Variants in VPS37C observed in about 807,000 individuals in gnomAD.
VPS37C encodes VPS37C subunit of ESCRT-I.
A neutral mutation model predicts 16.1 loss-of-function variants in VPS37C; 9 were observed. The observed-to-expected ratio is 0.56, with a 90% confidence interval of 0.34 to 0.97. The LOEUF is 0.97. Ranked by LOEUF, VPS37C falls within the 50% of genes least tolerant of loss-of-function variation. VPS37C has a pLI of 0.02. For missense variants in VPS37C, 479 were observed against 472.7 expected (o/e 1.01, Z -0.12); for synonymous variants, 207 against 206.4 (o/e 1.00, Z -0.02).
chr11:61,133,417 G>T, intron 3 of VPS37C, 80 bp from the exon 4 acceptor site: 1 of 1,389,882 alleles, frequency 7.2e-7, no homozygotes, highest in Non-Finnish European at 9.9e-7. Context: ...TACCCTCTGT[G>T]TGCATCCAGG....
chr11:61,133,437 C>A, intron 3 of VPS37C, 100 bp from the exon 4 acceptor site: 1 of 1,212,274 alleles, frequency 8.2e-7, no homozygotes, highest in African/African-American at 1.5e-5. Flanking sequence ...GCCCAGCCAC[C>A]ACAGCAGGGT....
At chr11:61,135,173 G>C (rs1861344977) in intron 2 of VPS37C, among the ~76,000 whole-genome samples, 1 of 152,366 alleles carries the variant, frequency 6.6e-6, no homozygotes, top group East Asian at 1.9e-4. Context: ...GCATGTGACA[G>C]ACCAAGCCAG....
At chr11:61,151,825 C>CA (rs956124998) in intron 1 of VPS37C, among the ~76,000 whole-genome samples, 7 of 152,180 alleles carry the variant, frequency 4.6e-5, no homozygotes, top group Non-Finnish European at 1.0e-4. Flanking sequence ...GGCCAAGAAA[C>CA]AGGTGATTTA....
Position 61,133,235 on chromosome 11 carries a change from G to C in VPS37C, c.348+20C>G, listed in dbSNP as rs376390824. On this transcript the variant is annotated intron_variant, in intron 4 of 4. Coordinates refer to ENST00000301765, the MANE Select transcript of VPS37C (RefSeq NM_017966.5). ...CTGACACCCCGTCCAGGGAAGAGGGGTGTCGCCTCGCCCTCTCACCTCGGA... is the reference window on the plus strand; with the variant it reads ...CTGACACCCCGTCCAGGGAAGAGGGCTGTCGCCTCGCCCTCTCACCTCGGA... 6.8e-6 allele frequency: 11 copies of C among 1,613,106 alleles called. No individual in the cohort carries two copies. Among genetic ancestry groups the C allele is most frequent in the East Asian group, 2.2e-5 (1 of 44,882 alleles).
intron 2 of VPS37C, among the ~76,000 whole-genome samples, chr11:61,137,772 G>C (rs1260730282): frequency 6.6e-6 from 1 of 152,136 alleles, no homozygotes; most frequent in East Asian, 1.9e-4. Flanking sequence ...CCCACCAGGA[G>C]ATCTTTTCAA....
chr11:61,134,907 A>G (rs1861338533), intron 2 of VPS37C, among the ~76,000 whole-genome samples: 1 of 152,234 alleles, frequency 6.6e-6, no homozygotes, highest in South Asian at 2.1e-4. Context: ...CCAGTGAGAC[A>G]GAAGCCAAGG....
At position 61,130,929 on chromosome 11, in the gene VPS37C, C is replaced by T; in HGVS notation, c.*891G>A. Reference sequence around the variant, plus strand: ...GGCTGCTTGTGAATGAGATTCAAGGCACTAAAGGAGTGGATGGATGCGTGG... The same window carrying T: ...GGCTGCTTGTGAATGAGATTCAAGGTACTAAAGGAGTGGATGGATGCGTGG... On this transcript the variant is annotated 3_prime_UTR_variant, in exon 5 of 5. Coordinates refer to ENST00000301765, the MANE Select transcript of VPS37C (RefSeq NM_017966.5). 1 of 388,900 alleles carries T rather than the reference C, an allele frequency of 2.6e-6. No individual in the cohort carries two copies. The highest frequency in any genetic ancestry group is 3.8e-5 in the Admixed American group (1 of 26,136). The allele number at this position is 388,900 out of a possible 1,614,324, so 24.1% of individuals were successfully genotyped here.
Position 61,132,295 on chromosome 11 carries a change from A to G in VPS37C, c.593T>C (p.Leu198Ser), listed in dbSNP as rs754382. 0.69 allele frequency: 1,084,004 copies of G among 1,576,740 alleles called. 378,578 individuals are homozygous for G. The highest frequency in any genetic ancestry group is 1 in the East Asian group (43,793 of 43,972). The change falls in exon 5 of 5, where the codon TTA (leucine) becomes TCA (serine). Residue 198 changes from leucine (L) to serine (S), a missense_variant. By Grantham distance (145) the Leu-to-Ser change is moderately radical. Coordinates refer to ENST00000301765, the MANE Select transcript of VPS37C (RefSeq NM_017966.5). Reference protein sequence around the residue: ...PVVEEQPQPPLAMPPYPLPYS... With the variant: ...PVVEEQPQPPSAMPPYPLPYS... The stretch of plus-strand genomic sequence containing the variant: ...GGGCAAAGGGTAGGGAGGCATGGCT[A>G]ATGGTGGCTGCGGCTGCTCTTCAAC...
At chr11:61,149,500 G>A (rs748697462) in intron 1 of VPS37C, among the ~76,000 whole-genome samples, 4 of 152,134 alleles carry the variant, frequency 2.6e-5, no homozygotes, top group Middle Eastern at 3.2e-3. Flanking sequence ...CAAGCAGCAG[G>A]TCTGGCACCA....
chr11:61,133,180 T>C, intron 4 of VPS37C, 75 bp downstream of exon 4: 5 of 1,499,206 alleles, frequency 3.3e-6, no homozygotes, highest in Non-Finnish European at 4.6e-6. Flanking sequence ...AGACATCTGC[T>C]TCTCCTTCCA....
In VPS37C at chr11:61,142,921, A is replaced by G. The variant is rs531794378; in HGVS notation, c.-6-4086T>C. Among the ~76,000 whole-genome samples, 417 of 146,966 alleles carry G rather than the reference A, an allele frequency of 2.8e-3. 4 individuals are homozygous for G. Among genetic ancestry groups the G allele is most frequent in the African/African-American group, 0.01 (409 of 39,700 alleles). On this transcript the variant is annotated intron_variant, in intron 1 of 4. Transcript: ENST00000301765. ...TATACATATGTAACTAACCTGCACA[A>G]TGTGCACATGTACCCTAAAACTTAA...
Position 61,131,875 on chromosome 11 carries a change from G to A in VPS37C, c.1013C>T (p.Pro338Leu), listed in dbSNP as rs1590781651. 3.1e-6 allele frequency: 4 copies of A among 1,272,548 alleles called. No individual in the cohort carries two copies. The highest frequency in any genetic ancestry group is 4.0e-6 in the Non-Finnish European group (4 of 1,003,620). 78.8% of individuals were successfully genotyped at this position (1,272,548 alleles called of 1,614,324 possible). Residue 338 changes from proline to leucine, a missense_variant, in exon 5 of 5, where the codon CCC (proline) becomes CTC (leucine). Physicochemically the swap from Pro to Leu is moderately conservative, Grantham distance 98. Coordinates refer to ENST00000301765, the MANE Select transcript of VPS37C (RefSeq NM_017966.5). ...VPLQPPYPPG[P>L]APPYGFPPPP... ...TGGTGGGAACCCATAGGGAGGGGCG[G>A]GCCCGGGGGGATAAGGGGGCTGCAG...
chr11:61,148,925 T>TGGGGTTGGGGC (rs1853256310), intron 1 of VPS37C, among the ~76,000 whole-genome samples: 1 of 152,084 alleles, frequency 6.6e-6, no homozygotes, highest in Non-Finnish European at 1.5e-5. Flanking sequence ...AAGGAATTGC[T>TGGGGTTGGGGC]GGGGTTGGGG....
chr11:61,139,588 T>C (rs1861437874), intron 1 of VPS37C, among the ~76,000 whole-genome samples: 1 of 152,078 alleles, frequency 6.6e-6, no homozygotes, highest in African/African-American at 2.4e-5. Context: ...CCATCGATTG[T>C]CTGTGTGGTA....
intron 1 of VPS37C, among the ~76,000 whole-genome samples, chr11:61,156,104 C>T (rs1590795764): frequency 6.6e-6 from 1 of 151,604 alleles, no homozygotes; most frequent in African/African-American, 2.4e-5. Context: ...ACAAAGGAAA[C>T]AAAGTGGAAT....
At chr11:61,143,665 C>CT (rs765152233) in intron 1 of VPS37C, 3,429 of 141,362 alleles carry the variant, frequency 0.024, 79 homozygotes, top group South Asian at 0.082. Flanking sequence ...CCAGCCAATT[C>CT]TTTTTTTTTT....
rs767093738 is a variant in VPS37C, at chr11:61,131,525, C to T, written c.*295G>A. The T allele has an allele frequency of 4.0e-5, 14 of 350,644 alleles. No homozygotes were observed. The highest frequency in any genetic ancestry group is 6.6e-5 in the Non-Finnish European group (13 of 196,868). 21.7% of individuals were successfully genotyped at this position (350,644 alleles called of 1,614,324 possible). A position where few individuals can be genotyped will look rare whatever the true frequency, so the allele number is the denominator to read the frequency against. On this transcript the variant is annotated 3_prime_UTR_variant, in exon 5 of 5. Transcript: ENST00000301765. ...GCAAGTAGATGCTCATAAATGCGCACATGCGCTCACTCACACAGACACCGG... is the reference window on the plus strand; with the variant it reads ...GCAAGTAGATGCTCATAAATGCGCATATGCGCTCACTCACACAGACACCGG...
At chr11:61,156,459 G>A (rs529235518) in intron 1 of VPS37C, among the ~76,000 whole-genome samples, 11 of 152,112 alleles carry the variant, frequency 7.2e-5, no homozygotes, top group African/African-American at 2.4e-4. Flanking sequence ...GTAGGCACAC[G>A]CCTGTAATCC....
chr11:61,154,349 G>C (rs1853347135), intron 1 of VPS37C, among the ~76,000 whole-genome samples: 1 of 152,090 alleles, frequency 6.6e-6, no homozygotes, highest in African/African-American at 2.4e-5. Flanking sequence ...CTAAAAGAAA[G>C]ATTAAGCATG....
Sources: gnomAD v4.1 joint callset for allele counts (sites outside exome capture counted in the v4.1 genomes callset) on GRCh38, gnomAD v4.1.1 for gene constraint, MANE v1.5 for transcripts, NCBI Gene and HGNC (gene_info 2026-07-23, HGNC 2026-07-21) for gene names.